The following ELMO1 variants were observed in gnomAD, a reference collection of about 807,000 sequenced individuals.
ELMO1 encodes the protein engulfment and cell motility protein 1.
In ELMO1, 26 loss-of-function variants were observed where a neutral mutation model predicts 98.9. The observed-to-expected ratio is 0.26, with a 90% CI of 0.19 to 0.36. The LOEUF (loss-of-function observed/expected upper bound fraction) is 0.36, where lower values mean the gene tolerates loss of function less well. Among genes scored for constraint, ELMO1 ranks in the 10% least tolerant of loss-of-function variants. ELMO1 has a pLI of 1.00. For missense variants in ELMO1, 627 were observed against 935.2 expected (o/e 0.67, Z 4.30); for synonymous variants, 346 against 346.0 (o/e 1.00, Z 0.00).
rs10522661 is a variant in ELMO1, at chr7:36,899,684, C to CTTTTTTTT, written c.1438-4675_1438-4668dup. 2.9e-3 allele frequency among the ~76,000 whole-genome samples: 182 copies of CTTTTTTTT among 63,672 alleles called. 38 individuals carry two copies. The highest frequency in any genetic ancestry group is 0.012 in the East Asian group (31 of 2,624). 41.8% of individuals were successfully genotyped at this position (63,672 alleles called of 152,430 possible). On this transcript the variant is annotated intron_variant, in intron 16 of 21. Coordinates refer to ENST00000310758, the MANE Select transcript of ELMO1 (RefSeq NM_014800.11). ...ACTCATTTTTACTATCTTTACTCAT[C>CTTTTTTTT]TTTTTTTTTTTTTTTTACCACTCCT... is the stretch of plus-strand genomic sequence containing the variant.
At chr7:37,160,365 T>C (rs1318416467) in intron 13 of ELMO1, among the ~76,000 whole-genome samples, 2 of 152,262 alleles carry the variant, frequency 1.3e-5, no homozygotes, top group African/African-American at 4.8e-5. Flanking sequence ...GAATCTTTCC[T>C]GAACAGACCT....
intron 15 of ELMO1, among the ~76,000 whole-genome samples, chr7:37,078,318 G>A (rs1478847207): frequency 6.6e-6 from 1 of 151,910 alleles, no homozygotes; most frequent in Non-Finnish European, 1.5e-5. Context: ...TGAAGAAAGA[G>A]CATCCATAAA....
At chr7:37,339,604 T>G (rs1800609504) in intron 2 of ELMO1, among the ~76,000 whole-genome samples, 2 of 152,200 alleles carry the variant, frequency 1.3e-5, no homozygotes. Flanking sequence ...TACTCTTCAT[T>G]GCATGTGAAA....
intron 15 of ELMO1, among the ~76,000 whole-genome samples, chr7:37,094,348 C>T (rs548425291): frequency 9.2e-5 from 14 of 152,220 alleles, no homozygotes; most frequent in East Asian, 1.9e-4. Context: ...GAGGTGTTTG[C>T]CTTCATCTCC....
At chr7:36,883,432 C>T (rs1161140180) in intron 18 of ELMO1, among the ~76,000 whole-genome samples, 1 of 152,122 alleles carries the variant, frequency 6.6e-6, no homozygotes, top group African/African-American at 2.4e-5. Flanking sequence ...CTCACCAAAT[C>T]TCATGTGGAA....
intron 15 of ELMO1, among the ~76,000 whole-genome samples, chr7:37,061,895 A>AC (rs1384473081): frequency 1.3e-5 from 2 of 152,024 alleles, no homozygotes; most frequent in African/African-American, 4.8e-5. Flanking sequence ...ATATTCTGTG[A>AC]CCCCAAATGT....
At chr7:37,352,408 C>T (rs2724018) in intron 1 of ELMO1, among the ~76,000 whole-genome samples, 25,813 of 152,254 alleles carry the variant, frequency 0.17, 2,399 homozygotes, top group Middle Eastern at 0.25. Context: ...GGCTCTACGC[C>T]GTTCTTTTCA....
chr7:36,903,510 T>C (rs985719409), intron 16 of ELMO1, among the ~76,000 whole-genome samples: 1 of 152,172 alleles, frequency 6.6e-6, no homozygotes, highest in Non-Finnish European at 1.5e-5. Flanking sequence ...CAGAAAGAAA[T>C]AGCCTCTAAA....
intron 16 of ELMO1, among the ~76,000 whole-genome samples, chr7:37,011,631 G>A (rs1229171453): frequency 6.6e-6 from 1 of 152,188 alleles, no homozygotes; most frequent in East Asian, 1.9e-4. Flanking sequence ...GCAGACATCT[G>A]ATGCCCAAAT....
Position 37,342,922 on chromosome 7 carries a change from A to G in ELMO1, c.-73-159T>C, listed in dbSNP as rs1800796256. 1 of 460,822 alleles carries G rather than the reference A, an allele frequency of 2.2e-6. No homozygotes were observed. Among genetic ancestry groups the G allele is most frequent in the Non-Finnish European group, 3.8e-6 (1 of 259,824 alleles). The allele number at this position is 460,822 out of a possible 1,614,324, so 28.5% of individuals were successfully genotyped here. A position where few individuals can be genotyped will look rare whatever the true frequency, so the allele number is the denominator to read the frequency against. ...GTGCAGGGGCACAGCCAACGGTACAATGGGCTCCTGAGGAAAGAAGAAAGA... is the reference window on the plus strand; with the variant it reads ...GTGCAGGGGCACAGCCAACGGTACAGTGGGCTCCTGAGGAAAGAAGAAAGA... On this transcript the variant is annotated intron_variant, in intron 1 of 21. Coordinates refer to ENST00000310758, the MANE Select transcript of ELMO1 (RefSeq NM_014800.11). The surrounding 1 kb of genome is among the most constrained non-coding windows in gnomAD (Gnocchi z 4.3).
intron 4 of ELMO1, among the ~76,000 whole-genome samples, chr7:37,283,293 G>C (rs968538211): frequency 4.6e-5 from 7 of 152,088 alleles, no homozygotes; most frequent in Non-Finnish European, 1.0e-4. Flanking sequence ...AGATGTCCAC[G>C]ACTGCTCAAA....
chr7:37,306,463 G>A (rs1426872966), intron 4 of ELMO1, among the ~76,000 whole-genome samples: 2 of 152,180 alleles, frequency 1.3e-5, no homozygotes, highest in African/African-American at 2.4e-5. Context: ...TCAGCTCAGG[G>A]AGTGCATGGG....
At chr7:37,031,500 G>A (rs2129186064) in intron 15 of ELMO1, among the ~76,000 whole-genome samples, 1 of 152,214 alleles carries the variant, frequency 6.6e-6, no homozygotes, top group African/African-American at 2.4e-5. Context: ...CTCCTCAGTG[G>A]TAACTCCTGC....
chr7:36,928,913 C>A (rs1397487708), intron 16 of ELMO1, among the ~76,000 whole-genome samples: 1 of 152,212 alleles, frequency 6.6e-6, no homozygotes, highest in Non-Finnish European at 1.5e-5. Flanking sequence ...AACAAGGGAC[C>A]AGAAAGACAG....
At chr7:36,997,616 G>A (rs1179622528) in intron 16 of ELMO1, among the ~76,000 whole-genome samples, 4 of 152,182 alleles carry the variant, frequency 2.6e-5, no homozygotes, top group Admixed American at 2.0e-4. Context: ...CATGAGAATG[G>A]AGAGTTTAGC....
intron 13 of ELMO1, among the ~76,000 whole-genome samples, chr7:37,151,871 G>C (rs1420919628): frequency 2.0e-5 from 3 of 152,132 alleles, no homozygotes; most frequent in African/African-American, 7.2e-5. Context: ...CAAGGGTCAG[G>C]AGCAACAGAA....
chr7:37,023,443 T>A (rs1172736555), intron 15 of ELMO1, among the ~76,000 whole-genome samples: 1 of 152,180 alleles, frequency 6.6e-6, no homozygotes, highest in Non-Finnish European at 1.5e-5. Flanking sequence ...ACATTTTATG[T>A]AACTAAGTTT....
intron 1 of ELMO1, among the ~76,000 whole-genome samples, chr7:37,395,194 C>T (rs928540286): frequency 5.3e-5 from 8 of 151,868 alleles, no homozygotes; most frequent in African/African-American, 1.2e-4. Flanking sequence ...GGAGAAACCC[C>T]GTCTCTACTA....
chr7:37,314,894 C>T lies in ELMO1; in HGVS notation c.148G>A (p.Ala50Thr), dbSNP rs1799074835. Residue 50 changes from alanine (A) to threonine (T), a missense_variant, in exon 4 of 22, where the codon GCA (alanine) becomes ACA (threonine). Ala to Thr is a moderately conservative substitution (Grantham distance 58). Coordinates refer to ENST00000310758, the MANE Select transcript of ELMO1 (RefSeq NM_014800.11). ...GWSLANHEYF[A>T]LQHADSSNFY... is the part of the protein sequence containing the mutation. ...TTTGAACTATCGGCATGCTGGAGTG[C>T]AAAATATTCATGGTTGGCAAGAGAC... The T allele has an allele frequency of 6.2e-7, 1 of 1,613,506 alleles. No individual in the cohort carries two copies. The highest frequency in any genetic ancestry group is 1.3e-5 in the African/African-American group (1 of 74,880).
Sources: allele counts gnomAD v4.1 joint callset (sites outside exome capture counted in the v4.1 genomes callset), GRCh38; gene constraint gnomAD v4.1.1; non-coding constraint Gnocchi (gnomAD v3.1); transcripts MANE v1.5; gene names NCBI Gene and HGNC (gene_info 2026-07-23, HGNC 2026-07-21).